The following MGAM2 variants were observed in gnomAD, a reference collection of about 807,000 sequenced individuals.
MGAM2 encodes probable maltase-glucoamylase 2.
Under a neutral mutation model 96.1 loss-of-function variants are expected in MGAM2, and 98 were observed. The ratio of observed to expected loss-of-function variants is 1.02; its 90% CI spans 0.87 to 1.21. MGAM2 has a LOEUF of 1.21. Among genes scored for constraint, MGAM2 ranks in the 50% most tolerant of loss-of-function variants. The pLI is 0.00. For synonymous variants in MGAM2, 749 were observed against 414.8 expected (o/e 1.81, Z -9.79); for missense variants, 2,055 against 1,182.4 (o/e 1.74, Z -10.82).
At chr7:142,180,391 C>T (rs1349696348) in intron 32 of MGAM2, among the ~76,000 whole-genome samples, 1 of 144,842 alleles carries the variant, frequency 6.9e-6, no homozygotes. Flanking sequence ...CTTCTGCGAT[C>T]TTTGGGGTAA....
chr7:142,115,881 A>G (rs1817378769), intron 1 of MGAM2, among the ~76,000 whole-genome samples: 1 of 152,174 alleles, frequency 6.6e-6, no homozygotes, highest in Admixed American at 6.5e-5. Flanking sequence ...AAATAAAGTC[A>G]GACAATGAGA....
At chr7:142,136,419 A>T in intron 7 of MGAM2, 122 bp from the exon 8 acceptor site, 1 of 453,440 alleles carries the variant, frequency 2.2e-6, no homozygotes, top group East Asian at 3.3e-5. Flanking sequence ...TTTTGATACA[A>T]TGTTAAACTA....
chr7:142,219,878 T>G lies in MGAM2; in HGVS notation c.5367T>G (p.Thr1789=), dbSNP rs1797866216. 8.6e-6 allele frequency: 6 copies of G among 699,728 alleles called. No homozygotes were observed. The South Asian group carries it at 8.9e-5, about 10-fold the overall frequency. 43.3% of individuals were successfully genotyped at this position (699,728 alleles called of 1,614,324 possible). Residue 1789 remains threonine, a synonymous_variant, in exon 48 of 48, where the codon ACT becomes ACG. Transcript: ENST00000477922. ...FKSEPYNQIL[T]IQLTDKTINL... ...CTCTTCTTTTCTGGCAGATACTAAC[T>G]ATTCAATTGACTGACAAGACTATCA...
chr7:142,115,326 C>T (rs557231988), intron 1 of MGAM2, among the ~76,000 whole-genome samples: 12 of 152,332 alleles, frequency 7.9e-5, no homozygotes, highest in African/African-American at 2.6e-4. Context: ...GGTGGCATCT[C>T]CCTTGAGTTA....
At chr7:142,132,667 A>C (rs1378001222) in intron 6 of MGAM2, among the ~76,000 whole-genome samples, 2 of 127,434 alleles carry the variant, frequency 1.6e-5, no homozygotes, top group African/African-American at 3.1e-5. Context: ...AAATATAATA[A>C]ATATATTAAT....
chr7:142,168,281 T>C (rs1796088171), intron 26 of MGAM2, among the ~76,000 whole-genome samples: 1 of 151,820 alleles, frequency 6.6e-6, no homozygotes, highest in Non-Finnish European at 1.5e-5. Flanking sequence ...CTTTTTTTTT[T>C]TTTTTGAGAC....
In MGAM2 at chr7:142,197,257, G is replaced by C. The variant is rs942416903; in HGVS notation, c.4633-143G>C. 87 of 605,518 alleles carry C rather than the reference G, an allele frequency of 1.4e-4. 1 individual carries two copies. Among genetic ancestry groups the C allele is most frequent in the Middle Eastern group, 8.6e-4 (2 of 2,326 alleles). The allele number at this position is 605,518 out of a possible 1,614,324, so 37.5% of individuals were successfully genotyped here. ...AATTCTAATTTTGTAGGGTGGCAGA[G>C]ATGGGGGAAAGGGTAGGCCAGGAAT... On this transcript the variant is annotated intron_variant, in intron 40 of 47. Transcript: ENST00000477922.
chr7:142,131,931 A>G lies in MGAM2; in HGVS notation c.421A>G (p.Ile141Val). The G allele has an allele frequency of 1.4e-6, 1 of 700,990 alleles. No individual in the cohort carries two copies. Among genetic ancestry groups the G allele is most frequent in the Middle Eastern group, 2.3e-4 (1 of 4,344 alleles). The allele number at this position is 700,990 out of a possible 1,614,324, so 43.4% of individuals were successfully genotyped here. Residue 141 changes from isoleucine to valine, a missense_variant and splice_region_variant, in exon 6 of 48, where the codon ATC (isoleucine) becomes GTC (valine). Ile to Val is a conservative substitution (Grantham distance 29). Transcript: ENST00000477922. ...YQTSNRFHFK[I>V]TDFNNIRYEV... ...GTCCCTTCTGTTTTTCTTTTGACAG[A>G]TCACTGACTTTAATAACATACGCTA... is the stretch of plus-strand genomic sequence containing the variant.
chr7:142,196,051 G>T, intron 37 of MGAM2, 103 bp from the exon 38 acceptor site: 1 of 686,882 alleles, frequency 1.5e-6, no homozygotes, highest in South Asian at 1.6e-5. Context: ...GAAGTTATCT[G>T]ACTCGGACCG....
chr7:142,211,605 A>C (rs994984779), intron 46 of MGAM2, among the ~76,000 whole-genome samples: 9 of 152,236 alleles, frequency 5.9e-5, no homozygotes, highest in Non-Finnish European at 1.2e-4. Context: ...ATTGAACAGC[A>C]ACTTAATGAA....
chr7:142,221,626 C>T lies in MGAM2; in HGVS notation c.7115C>T (p.Thr2372Ile). 1 of 471,784 alleles carries T rather than the reference C, an allele frequency of 2.1e-6. No homozygotes were observed. Among genetic ancestry groups the T allele is most frequent in the Non-Finnish European group, 3.7e-6 (1 of 270,270 alleles). 29.2% of individuals were successfully genotyped at this position (471,784 alleles called of 1,614,324 possible). The change falls in exon 48 of 48, where the codon ACA becomes ATA. Residue 2372 changes from threonine (T) to isoleucine (I), a missense_variant. By Grantham distance (89) the Thr-to-Ile change is moderately conservative. Coordinates refer to ENST00000477922, the MANE Select transcript of MGAM2 (RefSeq NM_001293626.2). ...STKDNTMSPD[T>I]TVTSIDKFTT... ...AAAGATAATACCATGAGTCCAGATA[C>T]AACAGTTACTTCCATAGACAAATTC...
At chr7:142,131,394 C>T (rs557168130) in intron 4 of MGAM2, 124 bp from the exon 5 acceptor site, 15 of 618,298 alleles carry the variant, frequency 2.4e-5, no homozygotes, top group South Asian at 3.8e-5. Flanking sequence ...GCCGAGATCA[C>T]GTCTTGCACT....
At position 142,134,094 on chromosome 7, in the gene MGAM2, G is replaced by T; in HGVS notation, c.689G>T (p.Arg230Leu). The T allele has an allele frequency of 1.3e-6, 1 of 763,176 alleles. No individual in the cohort carries two copies. The highest frequency in any genetic ancestry group is 2.4e-6 in the Non-Finnish European group (1 of 416,714). The allele number at this position is 763,176 out of a possible 1,614,324, so 47.3% of individuals were successfully genotyped here. A position where few individuals can be genotyped will look rare whatever the true frequency, so the allele number is the denominator to read the frequency against. ...GGAGAGCATGTGCACCAGCAGTACCGCCACAATATGACCTGGAAGACTTGG... is the reference window on the plus strand; with the variant it reads ...GGAGAGCATGTGCACCAGCAGTACCTCCACAATATGACCTGGAAGACTTGG... ...GLGEHVHQQY[R>L]HNMTWKTWPI... Residue 230 changes from arginine to leucine, a missense_variant, in exon 7 of 48, where the codon CGC becomes CTC. Arg to Leu is a moderately radical substitution (Grantham distance 102). Coordinates refer to ENST00000477922, the MANE Select transcript of MGAM2 (RefSeq NM_001293626.2).
intron 17 of MGAM2, 105 bp from the exon 18 acceptor site, chr7:142,157,832 C>A: frequency 1.6e-6 from 1 of 639,226 alleles, no homozygotes; most frequent in South Asian, 1.8e-5. Flanking sequence ...TTGATATTCT[C>A]CAAGTTGGAG....
chr7:142,122,829 TTTG>T (rs373547630), intron 3 of MGAM2, among the ~76,000 whole-genome samples: 7 of 152,012 alleles, frequency 4.6e-5, no homozygotes, highest in South Asian at 2.1e-4. Context: ...TAAATATGTT[TTTG>T]TTGTTGTTGT....
At chr7:142,194,056 G>A (rs1796951842) in intron 37 of MGAM2, among the ~76,000 whole-genome samples, 1 of 147,732 alleles carries the variant, frequency 6.8e-6, no homozygotes, top group African/African-American at 2.5e-5. Context: ...TTTTTAAGAT[G>A]GAGTCTCGCT....
intron 3 of MGAM2, among the ~76,000 whole-genome samples, chr7:142,125,073 A>T (rs1794696927): frequency 6.6e-6 from 1 of 152,124 alleles, no homozygotes; most frequent in African/African-American, 2.4e-5. Context: ...CTAAATTGTC[A>T]ATATAGTTTG....
At chr7:142,176,111 G>A (rs908411949) in intron 32 of MGAM2, among the ~76,000 whole-genome samples, 1 of 125,538 alleles carries the variant, frequency 8.0e-6, no homozygotes, top group South Asian at 2.9e-4. Flanking sequence ...AAAAAAAAGG[G>A]GGGGGCATCT....
Position 142,221,067 on chromosome 7 carries a change from C to T in MGAM2, c.6556C>T (p.Leu2186Phe), listed in dbSNP as rs570867072. ...NTVPVTAIPSLANTGVDTTSN... is the reference protein window; with the variant it reads ...NTVPVTAIPSFANTGVDTTSN... ...TGTTCCAGTTACAGCTATTCCTTCT[C>T]TTGCAAATACTGGTGTTGACACTAC... Residue 2186 changes from leucine (L) to phenylalanine (F), a missense_variant, in exon 48 of 48, where the codon CTT becomes TTT. Physicochemically the swap from Leu to Phe is conservative, Grantham distance 22 (BLOSUM62 0). Transcript: ENST00000477922. 4.7e-5 allele frequency: 33 copies of T among 702,520 alleles called. No individual in the cohort carries two copies. The highest frequency in any genetic ancestry group is 4.4e-4 in the South Asian group (30 of 67,584). The allele number at this position is 702,520 out of a possible 1,614,324, so 43.5% of individuals were successfully genotyped here. A position where few individuals can be genotyped will look rare whatever the true frequency, so the allele number is the denominator to read the frequency against.
Sources: allele counts gnomAD v4.1 joint callset (sites outside exome capture counted in the v4.1 genomes callset), GRCh38; gene constraint gnomAD v4.1.1; transcripts MANE v1.5; gene names NCBI Gene and HGNC (gene_info 2026-07-23, HGNC 2026-07-21).